Variants in FZD3 observed in about 807,000 individuals in gnomAD.
FZD3 encodes frizzled-3.
FZD3 carries 30 observed loss-of-function variants against 60.7 expected under a neutral mutation model. The ratio of observed to expected loss-of-function variants is 0.49; its 90% CI spans 0.37 to 0.67. The LOEUF (loss-of-function observed/expected upper bound fraction) is 0.67. FZD3 is among the 30% of genes least tolerant of loss of function. FZD3 has a pLI of 0.00. For missense variants in FZD3, 605 were observed against 838.7 expected (o/e 0.72, Z 3.44); for synonymous variants, 246 against 275.2 (o/e 0.89, Z 1.05).
chr8:28,549,002 G>A (rs542925306), intron 5 of FZD3, among the ~76,000 whole-genome samples: 32 of 152,310 alleles, frequency 2.1e-4, no homozygotes, highest in Non-Finnish European at 3.8e-4. Context: ...AGACTGGGTA[G>A]CTTAAACAAC....
chr8:28,508,425 CTTTTT>C (rs35048077), intron 3 of FZD3, among the ~76,000 whole-genome samples: 17 of 129,846 alleles, frequency 1.3e-4, no homozygotes, highest in African/African-American at 3.4e-4. Context: ...CTAGGGAATA[CTTTTT>C]TTTTTTTTTT....
Position 28,563,009 on chromosome 8 carries a change from T to C in FZD3, c.1999T>C (p.Ter667GlnextTer23). 1 of 1,602,362 alleles carries C rather than the reference T, an allele frequency of 6.2e-7. No homozygotes were observed. The highest frequency in any genetic ancestry group is 8.6e-7 in the Non-Finnish European group (1 of 1,169,330). ...RVIEEDGTSA[*>Q] is the part of the protein sequence containing the mutation. The stretch of plus-strand genomic sequence containing the variant: ...TATTGAAGAAGATGGAACCAGTGCT[T>C]AATTTGTCTTGTCTAAGGTGGAAAT... Residue 667 changes from the stop codon to glutamine (Q), a stop_lost, in exon 8 of 8, where the codon TAA becomes CAA. Transcript: ENST00000240093.
chr8:28,539,181 T>C (rs1190351151), intron 5 of FZD3, among the ~76,000 whole-genome samples: 2 of 152,166 alleles, frequency 1.3e-5, no homozygotes, highest in Non-Finnish European at 2.9e-5. Context: ...GCTTCATCTG[T>C]ATTTACTTCC....
intron 5 of FZD3, among the ~76,000 whole-genome samples, chr8:28,531,257 G>A (rs1804867880): frequency 1.3e-5 from 2 of 152,038 alleles, no homozygotes; most frequent in African/African-American, 4.8e-5. Flanking sequence ...TTTTAAAAAT[G>A]TATATATGTG....
At chr8:28,510,295 T>C (rs1163526223) in intron 3 of FZD3, among the ~76,000 whole-genome samples, 3 of 152,176 alleles carry the variant, frequency 2.0e-5, no homozygotes, top group East Asian at 1.9e-4. Context: ...ATGTTGCAAG[T>C]GTGTTTTCAC....
intron 6 of FZD3, among the ~76,000 whole-genome samples, chr8:28,553,782 C>T (rs1805455557): frequency 6.6e-6 from 1 of 152,166 alleles, no homozygotes; most frequent in African/African-American, 2.4e-5. Context: ...CTATTTCTAG[C>T]ATTTGTCTGG....
chr8:28,555,766 C>A lies in FZD3; in HGVS notation c.1582C>A (p.Gln528Lys). ...EIVNESRQVL[Q>K]EPDFAQSLLR... ...AGTGAATGAGAGCCGACAGGTACTCCAGGAACCTGATTTTGCTCAGTCTCT... is the reference window on the plus strand; with the variant it reads ...AGTGAATGAGAGCCGACAGGTACTCAAGGAACCTGATTTTGCTCAGTCTCT... Residue 528 changes from glutamine (Q) to lysine (K), a missense_variant, in exon 7 of 8, where the codon CAG becomes AAG. Coordinates refer to ENST00000240093, the MANE Select transcript of FZD3 (RefSeq NM_017412.4). The A allele has an allele frequency of 2.5e-6, 4 of 1,611,812 alleles. No homozygotes were observed. Among genetic ancestry groups the A allele is most frequent in the South Asian group, 1.1e-5 (1 of 91,044 alleles).
At chr8:28,510,508 A>G (rs143216433) in intron 3 of FZD3, among the ~76,000 whole-genome samples, 22 of 152,318 alleles carry the variant, frequency 1.4e-4, no homozygotes, top group Non-Finnish European at 2.2e-4. Flanking sequence ...GATAGGTGGG[A>G]AATGGTGTCT....
rs1272728056 is a variant in FZD3, at chr8:28,571,592, C to A, written c.*8581C>A. 6.6e-6 allele frequency: 1 copy of A among 152,112 alleles called. No homozygotes were observed. The highest frequency in any genetic ancestry group is 2.1e-4 in the South Asian group (1 of 4,834). 9.4% of individuals were successfully genotyped at this position (152,112 alleles called of 1,614,324 possible). A position where few individuals can be genotyped will look rare whatever the true frequency, so the allele number is the denominator to read the frequency against. On this transcript the variant is annotated 3_prime_UTR_variant, in exon 8 of 8. Coordinates refer to ENST00000240093, the MANE Select transcript of FZD3 (RefSeq NM_017412.4). The stretch of plus-strand genomic sequence containing the variant: ...TTCATCTTTTTATAATATTTAACTT[C>A]CCTAGAATCACCCCATTTCATGTCT...
At chr8:28,510,245 A>C (rs924002504) in intron 3 of FZD3, among the ~76,000 whole-genome samples, 4 of 152,136 alleles carry the variant, frequency 2.6e-5, no homozygotes, top group African/African-American at 9.7e-5. Flanking sequence ...CTGTTGATGG[A>C]CACAGGAAAC....
intron 4 of FZD3, among the ~76,000 whole-genome samples, chr8:28,522,487 C>T (rs976584208): frequency 1.3e-4 from 20 of 152,166 alleles, no homozygotes; most frequent in Middle Eastern, 3.2e-3. Context: ...TGTCTTCTGT[C>T]TCCAGACACC....
rs535051879 is a variant in FZD3, at chr8:28,563,680, C to T, written c.*669C>T. ...AATAAAGAGATGGGCATTGTTTCCC[C>T]TATAATTGTGCTGTTTTTATAACTT... On this transcript the variant is annotated 3_prime_UTR_variant, in exon 8 of 8. Transcript: ENST00000240093. 21 of 152,318 alleles carry T rather than the reference C, an allele frequency of 1.4e-4. No homozygotes were observed. Among genetic ancestry groups the T allele is most frequent in the Non-Finnish European group, 2.6e-4 (18 of 68,038 alleles). The allele number at this position is 152,318 out of a possible 1,614,324, so 9.4% of individuals were successfully genotyped here.
chr8:28,546,271 C>T (rs1273796968), intron 5 of FZD3, among the ~76,000 whole-genome samples: 2 of 152,182 alleles, frequency 1.3e-5, no homozygotes, highest in East Asian at 1.9e-4. Flanking sequence ...AGCTGGCTCT[C>T]GGGCCCATAA....
intron 2 of FZD3, among the ~76,000 whole-genome samples, chr8:28,500,259 T>G (rs975529633): frequency 6.6e-6 from 1 of 152,230 alleles, no homozygotes; most frequent in African/African-American, 2.4e-5. Flanking sequence ...AATTTGAATG[T>G]CATAGTACAT....
chr8:28,535,149 A>G (rs879333675), intron 5 of FZD3, among the ~76,000 whole-genome samples: 11 of 152,240 alleles, frequency 7.2e-5, no homozygotes, highest in Non-Finnish European at 1.2e-4. Flanking sequence ...ATGTAAATTC[A>G]TAATTTGAAG....
At chr8:28,511,180 C>T (rs1287841933) in intron 3 of FZD3, among the ~76,000 whole-genome samples, 4 of 151,578 alleles carry the variant, frequency 2.6e-5, no homozygotes, top group African/African-American at 9.7e-5. Flanking sequence ...GGGAAAACCC[C>T]ATCTCTACTA....
At chr8:28,495,245 G>T (rs1185497712) in intron 1 of FZD3, among the ~76,000 whole-genome samples, 2 of 152,182 alleles carry the variant, frequency 1.3e-5, no homozygotes, top group Non-Finnish European at 2.9e-5. Flanking sequence ...AGGCAGAGGA[G>T]TAGATTTCAG....
At chr8:28,548,584 G>T (rs1219337136) in intron 5 of FZD3, among the ~76,000 whole-genome samples, 1 of 152,190 alleles carries the variant, frequency 6.6e-6, no homozygotes, top group Non-Finnish European at 1.5e-5. Flanking sequence ...TTTTCTGAAT[G>T]ATTTGAAATG....
At chr8:28,530,760 T>A (rs1443801629) in intron 5 of FZD3, among the ~76,000 whole-genome samples, 1 of 151,040 alleles carries the variant, frequency 6.6e-6, no homozygotes, top group African/African-American at 2.4e-5. Context: ...TTCATTCCCA[T>A]AAAAGCCTGT....
Sources: gnomAD v4.1 joint callset for allele counts (sites outside exome capture counted in the v4.1 genomes callset) on GRCh38, gnomAD v4.1.1 for gene constraint, MANE v1.5 for transcripts, NCBI Gene and HGNC (gene_info 2026-07-23, HGNC 2026-07-21) for gene names.